PMS1: variants seen among roughly 807,000 people sequenced by gnomAD.
PMS1 encodes PMS1 protein homolog 1.
A neutral mutation model predicts 93.1 loss-of-function variants in PMS1; 79 were observed. That is an observed-to-expected ratio of 0.85 (90% CI 0.71 to 1.02). The LOEUF (loss-of-function observed/expected upper bound fraction) is 1.02, where lower values mean the gene tolerates loss of function less well. PMS1 is among the 50% of genes least tolerant of loss of function. PMS1 has a pLI of 0.00. For synonymous variants in PMS1, 335 were observed against 363.4 expected (o/e 0.92, Z 0.89); for missense variants, 1,064 against 1,085.3 (o/e 0.98, Z 0.28).
intron 2 of PMS1, among the ~76,000 whole-genome samples, chr2:189,794,307 G>T (rs1234835689): frequency 2.0e-5 from 3 of 151,270 alleles, no homozygotes; most frequent in Admixed American, 6.6e-5. Context: ...AGTGACCGAG[G>T]TTTCACCATG....
Position 189,854,674 on chromosome 2 carries a change from G to GA in PMS1, c.1406dup (p.Asn469LysfsTer4). On this transcript the variant is annotated frameshift_variant, in exon 9 of 13. Transcript: ENST00000441310. LOFTEE classifies it high-confidence loss of function. ...AAGTTCCGTTAAGCACACCCAGTCA[G>GA]AAAATGGCAATAAAGACCATATAGA... is the stretch of plus-strand genomic sequence containing the variant. The GA allele has an allele frequency of 6.2e-7, 1 of 1,613,940 alleles. No homozygotes were observed. The highest frequency in any genetic ancestry group is 8.5e-7 in the Non-Finnish European group (1 of 1,179,886).
intron 5 of PMS1, among the ~76,000 whole-genome samples, chr2:189,835,375 A>G (rs1470107343): frequency 6.6e-6 from 1 of 152,202 alleles, no homozygotes; most frequent in African/African-American, 2.4e-5. Context: ...TAACAGTAGT[A>G]TTGATACTGT....
intron 6 of PMS1, among the ~76,000 whole-genome samples, chr2:189,848,449 A>G (rs954730077): frequency 3.3e-5 from 5 of 152,194 alleles, no homozygotes; most frequent in East Asian, 1.9e-4. Flanking sequence ...GAACGAGACT[A>G]TTGCATGAAT....
chr2:189,854,773 G>A lies in PMS1; in HGVS notation c.1501G>A (p.Gly501Arg), dbSNP rs1145232. ...SEISADEWSR[G>R]NILKNSVGEN... is the part of the protein sequence containing the mutation. ...AATTTCTGCAGATGAGTGGAGCAGG[G>A]GAAATATACTTAAAAATTCAGTGGG... Residue 501 changes from glycine (G) to arginine (R), a missense_variant, in exon 9 of 13, where the codon GGA becomes AGA. Physicochemically the swap from Gly to Arg is moderately radical, Grantham distance 125. Coordinates refer to ENST00000441310, the MANE Select transcript of PMS1 (RefSeq NM_000534.5). The A allele has an allele frequency of 2.7e-3, 4,364 of 1,613,614 alleles. 70 individuals are homozygous for A. The African/African-American group carries it at 0.045, about 16-fold the overall frequency.
At chr2:189,786,648 A>T (rs1275976141) in intron 1 of PMS1, among the ~76,000 whole-genome samples, 1 of 152,202 alleles carries the variant, frequency 6.6e-6, no homozygotes, top group Non-Finnish European at 1.5e-5. Context: ...CTATTTGGTG[A>T]TAAAGGATGA....
At chr2:189,824,226 G>GT (rs1348693159) in intron 5 of PMS1, among the ~76,000 whole-genome samples, 5 of 151,858 alleles carry the variant, frequency 3.3e-5, no homozygotes, top group Non-Finnish European at 7.4e-5. Context: ...TGAGTAACAG[G>GT]TTTTTCAAAA....
chr2:189,861,440 C>A (rs1201166676), intron 9 of PMS1, among the ~76,000 whole-genome samples: 7 of 142,972 alleles, frequency 4.9e-5, no homozygotes, highest in Non-Finnish European at 1.1e-4. Context: ...ATTCTGGGTT[C>A]TTTTGCCACT....
intron 12 of PMS1, among the ~76,000 whole-genome samples, chr2:189,873,871 A>G (rs951569734): frequency 7.2e-5 from 11 of 152,270 alleles, no homozygotes; most frequent in African/African-American, 2.4e-4. Flanking sequence ...GAGGTTGTGC[A>G]CTTCTTGTGG....
At position 189,831,413 on chromosome 2, in the gene PMS1, A is replaced by C. The variant is rs184371656; in HGVS notation, c.583-12551A>C. Among the ~76,000 whole-genome samples the C allele has an allele frequency of 4.6e-5, 7 of 152,328 alleles. No individual in the cohort carries two copies. In the East Asian group the frequency reaches 1.2e-3, roughly 25 times the overall value. On this transcript the variant is annotated intron_variant, in intron 5 of 12. Transcript: ENST00000441310. Reference sequence around the variant, plus strand: ...GGCTTTAAGGGCCTGAATTCAGACAAACACATTAGGTGTGAAAAGCACAAA... The same window carrying C: ...GGCTTTAAGGGCCTGAATTCAGACACACACATTAGGTGTGAAAAGCACAAA...
At chr2:189,833,091 A>T (rs944836337) in intron 5 of PMS1, among the ~76,000 whole-genome samples, 3 of 152,172 alleles carry the variant, frequency 2.0e-5, no homozygotes, top group Non-Finnish European at 4.4e-5. Context: ...TTCATCCCCA[A>T]TGTCTAAAAA....
intron 5 of PMS1, among the ~76,000 whole-genome samples, chr2:189,827,663 A>C (rs538456602): frequency 1.3e-5 from 2 of 152,324 alleles, no homozygotes; most frequent in South Asian, 4.1e-4. Flanking sequence ...CCATTTAGCC[A>C]TAAAACAGAC....
intron 5 of PMS1, among the ~76,000 whole-genome samples, chr2:189,836,587 C>G (rs911485858): frequency 6.6e-6 from 1 of 152,192 alleles, no homozygotes; most frequent in African/African-American, 2.4e-5. Flanking sequence ...TCTTATTCAT[C>G]ACATTTTATA....
intron 6 of PMS1, among the ~76,000 whole-genome samples, chr2:189,851,703 C>T (rs1169711993): frequency 6.6e-6 from 1 of 152,142 alleles, no homozygotes; most frequent in African/African-American, 2.4e-5. Context: ...TTGTTTTTCT[C>T]AACCTAAGCT....
rs188947672 is a variant in PMS1 at position 189,864,185 on chromosome 2, C to G, written c.2299C>G (p.Leu767Val). The G allele has an allele frequency of 2.2e-5, 35 of 1,610,158 alleles. No individual in the cohort carries two copies. Among genetic ancestry groups the G allele is most frequent in the Admixed American group, 1.7e-4 (10 of 59,916 alleles). ...LFKRLLENHK[L>V]PAEPLEKPIM... Reference sequence around the variant, plus strand: ...TAAAAGACTTCTTGAGAATCATAAACTTCCTGCAGAGCCACTGGAAAAGCC... The same window carrying G: ...TAAAAGACTTCTTGAGAATCATAAAGTTCCTGCAGAGCCACTGGAAAAGCC... Residue 767 changes from leucine to valine, a missense_variant, in exon 10 of 13, where the codon CTT becomes GTT. Transcript: ENST00000441310.
intron 11 of PMS1, among the ~76,000 whole-genome samples, chr2:189,868,236 C>T (rs1172388705): frequency 6.6e-6 from 1 of 152,176 alleles, no homozygotes; most frequent in Non-Finnish European, 1.5e-5. Context: ...TTAAAATACT[C>T]CTTTAAATGA....
intron 9 of PMS1, among the ~76,000 whole-genome samples, chr2:189,855,492 A>T (rs1420660750): frequency 1.3e-5 from 2 of 151,794 alleles, no homozygotes; most frequent in Admixed American, 6.6e-5. Context: ...TTTTTAAAAA[A>T]GCTTTTGCAT....
At chr2:189,792,019 C>A (rs1188699403) in intron 2 of PMS1, 78 bp downstream of exon 2, 2 of 1,262,694 alleles carry the variant, frequency 1.6e-6, no homozygotes, top group Admixed American at 3.7e-5. Context: ...TAAACTGTTA[C>A]CTTTATTTTA....
At chr2:189,843,144 A>G (rs886421991) in intron 5 of PMS1, among the ~76,000 whole-genome samples, 33 of 151,584 alleles carry the variant, frequency 2.2e-4, no homozygotes, top group African/African-American at 7.7e-4. Context: ...CAGCCTCCCA[A>G]GTAGCTGGGA....
At chr2:189,786,444 GGA>G (rs1458149041) in intron 1 of PMS1, among the ~76,000 whole-genome samples, 1 of 152,166 alleles carries the variant, frequency 6.6e-6, no homozygotes, top group Non-Finnish European at 1.5e-5. Flanking sequence ...TTAGATAGTA[GGA>G]GAGAGATGAC....
Sources: allele counts gnomAD v4.1 joint callset (sites outside exome capture counted in the v4.1 genomes callset), GRCh38; gene constraint gnomAD v4.1.1; transcripts MANE v1.5; gene names NCBI Gene and HGNC (gene_info 2026-07-23, HGNC 2026-07-21).